The following EYS variants were observed in gnomAD, a reference collection of about 807,000 sequenced individuals.
EYS encodes the protein EGF-like photoreceptor maintenance factor.
In EYS, 250 loss-of-function variants were observed where a neutral mutation model predicts 282.1. The ratio of observed to expected loss-of-function variants is 0.89; its 90% CI spans 0.80 to 0.98. EYS has a LOEUF of 0.98. EYS is among the 50% of genes least tolerant of loss of function. The probability of loss-of-function intolerance (pLI) is 0.00; values close to 1 mark genes in which losing one functional copy is unlikely to be tolerated. For synonymous variants in EYS, 1,355 were observed against 1,282.9 expected (o/e 1.06, Z -1.20); for missense variants, 4,016 against 3,709.0 (o/e 1.08, Z -2.15).
At chr6:64,949,637 T>C (rs2150098640) in intron 14 of EYS, among the ~76,000 whole-genome samples, 1 of 152,066 alleles carries the variant, frequency 6.6e-6, no homozygotes, top group East Asian at 1.9e-4. Flanking sequence ...AATCTCTTTC[T>C]ACATATAATA....
At position 64,590,287 on chromosome 6, in the gene EYS, G is replaced by GAAGGGAAGATGC; in HGVS notation, c.5568_5579dup (p.Pro1859_Phe1860insLeuHisLeuPro). ...GTGAAGACAAAGTAAGAGATCTAGT[G>GAAGGGAAGATGC]AAGGGAAGATGCCGGCTTGCAGTGG... On this transcript the variant is annotated inframe_insertion, in exon 26 of 43. Transcript: ENST00000503581. The GAAGGGAAGATGC allele has an allele frequency of 6.4e-7, 1 of 1,551,160 alleles. No homozygotes were observed. Among genetic ancestry groups the GAAGGGAAGATGC allele is most frequent in the Non-Finnish European group, 8.7e-7 (1 of 1,146,606 alleles).
At chr6:65,003,768 A>G (rs1156995029) in intron 13 of EYS, among the ~76,000 whole-genome samples, 6 of 147,624 alleles carry the variant, frequency 4.1e-5, no homozygotes. Flanking sequence ...AGGTTACCTG[A>G]TACTGAGGGA....
intron 22 of EYS, among the ~76,000 whole-genome samples, chr6:64,769,153 A>G (rs535663944): frequency 6.6e-6 from 1 of 152,250 alleles, no homozygotes; most frequent in African/African-American, 2.4e-5. Context: ...GACAGCAACT[A>G]AAGAAGGTGC....
At chr6:63,832,736 T>C (rs1341579286) in intron 36 of EYS, among the ~76,000 whole-genome samples, 1 of 152,170 alleles carries the variant, frequency 6.6e-6, no homozygotes, top group Non-Finnish European at 1.5e-5. Context: ...ATCATCCTCA[T>C]ACCAAAGCCT....
chr6:64,039,364 C>A (rs761974545), intron 33 of EYS, among the ~76,000 whole-genome samples: 11 of 152,134 alleles, frequency 7.2e-5, no homozygotes, highest in Non-Finnish European at 1.5e-4. Context: ...AGTAAAATTT[C>A]TGAGGCATGG....
chr6:64,836,211 G>A (rs1029103907), intron 19 of EYS, among the ~76,000 whole-genome samples: 3 of 150,370 alleles, frequency 2.0e-5, no homozygotes, highest in Admixed American at 6.7e-5. Context: ...TGGTGACATG[G>A]TCTTCAGTCA....
chr6:64,205,710 C>A (rs1002354579), intron 31 of EYS, among the ~76,000 whole-genome samples: 15 of 152,016 alleles, frequency 9.9e-5, no homozygotes, highest in Non-Finnish European at 1.6e-4. Flanking sequence ...GATTTACAGG[C>A]ACCCCTTGAT....
At chr6:64,728,259 C>A (rs1771828609) in intron 22 of EYS, among the ~76,000 whole-genome samples, 1 of 150,194 alleles carries the variant, frequency 6.7e-6, no homozygotes, top group African/African-American at 2.5e-5. Context: ...TTGTTTTAAA[C>A]CTGTGTAAAA....
At chr6:63,936,216 A>G (rs1254121324) in intron 35 of EYS, among the ~76,000 whole-genome samples, 1 of 152,208 alleles carries the variant, frequency 6.6e-6, no homozygotes, top group African/African-American at 2.4e-5. Flanking sequence ...ATGAGAGTCT[A>G]TTATGGGCTG....
intron 13 of EYS, among the ~76,000 whole-genome samples, chr6:65,039,590 G>A (rs1222951477): frequency 1.3e-5 from 2 of 151,398 alleles, no homozygotes; most frequent in African/African-American, 2.4e-5. Context: ...AGTATGTGAT[G>A]TGATTACATT....
chr6:64,146,211 A>G (rs1774513739), intron 31 of EYS, among the ~76,000 whole-genome samples: 1 of 152,172 alleles, frequency 6.6e-6, no homozygotes, highest in African/African-American at 2.4e-5. Context: ...AGCTATCCTC[A>G]TATAGGAATG....
intron 41 of EYS, among the ~76,000 whole-genome samples, chr6:63,747,560 A>G (rs1769240690): frequency 6.6e-6 from 1 of 152,056 alleles, no homozygotes; most frequent in Admixed American, 6.5e-5. Context: ...AAAGTCTGCC[A>G]TTATTATTGT....
At chr6:64,902,059 TCTTGTTGA>T in intron 18 of EYS, 46 bp downstream of exon 18, 2 of 1,269,984 alleles carry the variant, frequency 1.6e-6, no homozygotes, top group Non-Finnish European at 2.2e-6. Context: ...GTGCTCACTT[TCTTGTTGA>T]ATTACACACA....
At chr6:64,028,130 T>A (rs1030796809) in intron 33 of EYS, among the ~76,000 whole-genome samples, 6 of 152,220 alleles carry the variant, frequency 3.9e-5, no homozygotes, top group African/African-American at 1.4e-4. Flanking sequence ...CTGGAGCTAT[T>A]GTCTACATGA....
At chr6:65,626,135 C>T (rs762682754) in intron 2 of EYS, among the ~76,000 whole-genome samples, 7 of 152,074 alleles carry the variant, frequency 4.6e-5, no homozygotes, top group African/African-American at 1.4e-4. Flanking sequence ...CTCCTATACA[C>T]GTTTTGAACC....
In EYS at chr6:64,388,826, G is replaced by C; in HGVS notation, c.5942C>G (p.Pro1981Arg). The C allele has an allele frequency of 6.6e-7, 1 of 1,516,038 alleles. No homozygotes were observed. Among genetic ancestry groups the C allele is most frequent in the Non-Finnish European group, 8.8e-7 (1 of 1,131,020 alleles). 93.9% of individuals were successfully genotyped at this position (1,516,038 alleles called of 1,614,324 possible). A position where few individuals can be genotyped will look rare whatever the true frequency, so the allele number is the denominator to read the frequency against. The change falls in exon 29 of 43, where the codon CCA becomes CGA. Residue 1981 changes from proline to arginine, a missense_variant. Transcript: ENST00000503581. ...TAAAATAGTCAGCTCAGCGTTACAT[G>C]GATCCAATTCTTGCCTGTAACCATT... ...YTLLIRQELD[P>R]CNAELTILGR...
At chr6:65,423,840 A>G (rs116684184) in intron 5 of EYS, among the ~76,000 whole-genome samples, 1,854 of 152,014 alleles carry the variant, frequency 0.012, 21 homozygotes, top group Middle Eastern at 0.034. Context: ...CTAGTCTTCT[A>G]ATTGCCCTGC....
intron 22 of EYS, among the ~76,000 whole-genome samples, chr6:64,737,674 C>G (rs1324091898): frequency 6.6e-6 from 1 of 152,190 alleles, no homozygotes; most frequent in African/African-American, 2.4e-5. Flanking sequence ...GTGAGCAGAG[C>G]TGCTTCCTTT....
At chr6:65,578,066 T>C (rs1764736786) in intron 2 of EYS, among the ~76,000 whole-genome samples, 1 of 151,758 alleles carries the variant, frequency 6.6e-6, no homozygotes. Flanking sequence ...TCCAGGAATC[T>C]AACCAATAGG....
Sources: gnomAD v4.1 joint callset for allele counts (sites outside exome capture counted in the v4.1 genomes callset) on GRCh38, gnomAD v4.1.1 for gene constraint, MANE v1.5 for transcripts, NCBI Gene and HGNC (gene_info 2026-07-23, HGNC 2026-07-21) for gene names.